The following KIAA1217 variants were observed in gnomAD, a reference collection of about 807,000 sequenced individuals.
KIAA1217 encodes sickle tail protein homolog.
KIAA1217 carries 88 observed loss-of-function variants against 163.9 expected under a neutral mutation model. The ratio of observed to expected loss-of-function variants is 0.54; its 90% CI spans 0.45 to 0.64. KIAA1217 has a LOEUF of 0.64. Ranked by LOEUF, KIAA1217 falls within the 30% of genes least tolerant of loss-of-function variation. The pLI, the probability that KIAA1217 is intolerant of heterozygous loss-of-function variation, is 0.00. For synonymous variants in KIAA1217, 903 were observed against 923.1 expected, an observed-to-expected ratio of 0.98 and a Z score of 0.39; for missense variants, 2,372 against 2,475.0, an observed-to-expected ratio of 0.96 and a Z score of 0.88.
chr10:24,470,041 G>A (rs146697637), intron 5 of KIAA1217, among the ~76,000 whole-genome samples: 1 of 152,348 alleles, frequency 6.6e-6, no homozygotes, highest in East Asian at 1.9e-4. Context: ...TTGAGTCGAT[G>A]TGATGAATTT....
At chr10:23,974,166 C>G (rs1371037053) in intron 1 of KIAA1217, among the ~76,000 whole-genome samples, 1 of 152,154 alleles carries the variant, frequency 6.6e-6, no homozygotes, top group African/African-American at 2.4e-5. Context: ...TACTATTGGG[C>G]AGAGGAGTGA....
In KIAA1217 at chr10:24,430,396, T is replaced by A. The variant is rs965018437; in HGVS notation, c.554-2599T>A. Among the ~76,000 whole-genome samples the A allele has an allele frequency of 7.2e-5, 11 of 152,240 alleles. 1 individual carries two copies. Among genetic ancestry groups the A allele is most frequent in the Admixed American group, 2.6e-4 (4 of 15,290 alleles). On this transcript the variant is annotated intron_variant, in intron 3 of 20. Coordinates refer to ENST00000376454, the MANE Select transcript of KIAA1217 (RefSeq NM_019590.5). ...GGAAGAGAGATGGACATTTGCTACA[T>A]CAGTGGTCCCTAGCCTTTTTGGCAC...
In KIAA1217 at chr10:24,120,310, G is replaced by A. The variant is rs146410974; in HGVS notation, c.-170-99316G>A. Among the ~76,000 whole-genome samples, 315 of 152,310 alleles carry A rather than the reference G, an allele frequency of 2.1e-3. 1 individual carries two copies. Among genetic ancestry groups the A allele is most frequent in the African/African-American group, 7.1e-3 (296 of 41,568 alleles). On this transcript the variant is annotated intron_variant, in intron 2 of 18. Transcript: ENST00000376462. ...ACTTTTGAGAGCATTTGTGACAATG[G>A]TATAATCTTGGATGGCCATGAACCC...
intron 19 of KIAA1217, 128 bp downstream of exon 19, chr10:24,544,609 C>A: frequency 2.8e-6 from 3 of 1,064,072 alleles, no homozygotes; most frequent in Non-Finnish European, 2.6e-6. Context: ...TTTGTCTGTT[C>A]GCCATGAAAC....
chr10:24,149,653 A>G (rs1308752887), intron 2 of KIAA1217, among the ~76,000 whole-genome samples: 2 of 152,200 alleles, frequency 1.3e-5, no homozygotes, highest in African/African-American at 4.8e-5. Flanking sequence ...GGAGTACACA[A>G]ATACACTTAG....
At chr10:24,170,997 A>T (rs939028824) in intron 2 of KIAA1217, among the ~76,000 whole-genome samples, 2 of 152,096 alleles carry the variant, frequency 1.3e-5, no homozygotes, top group African/African-American at 2.4e-5. Context: ...TTTTCTAAAC[A>T]CTCTATTTTC....
intron 6 of KIAA1217, among the ~76,000 whole-genome samples, chr10:24,490,788 G>A (rs1030669707): frequency 2.6e-5 from 4 of 152,194 alleles, no homozygotes; most frequent in Non-Finnish European, 5.9e-5. Context: ...CAGGGGGGAT[G>A]TCAGATGAGA....
intron 2 of KIAA1217, among the ~76,000 whole-genome samples, chr10:24,195,157 G>A (rs2130490986): frequency 6.6e-6 from 1 of 152,208 alleles, no homozygotes; most frequent in East Asian, 1.9e-4. Context: ...TTCTCCTCTT[G>A]CTCCTTCAGG....
At chr10:24,536,744 C>G in intron 16 of KIAA1217, 30 bp from the exon 17 acceptor site, 1 of 1,609,226 alleles carries the variant, frequency 6.2e-7, no homozygotes, top group Non-Finnish European at 8.5e-7. Context: ...CCCTTGGATC[C>G]CTGTTAACCT....
At chr10:23,928,990 T>C (rs2131307283) in intron 1 of KIAA1217, among the ~76,000 whole-genome samples, 1 of 152,262 alleles carries the variant, frequency 6.6e-6, no homozygotes, top group Admixed American at 6.5e-5. Context: ...GGGCAGAGGT[T>C]CCAGCGTACA....
intron 8 of KIAA1217, among the ~76,000 whole-genome samples, chr10:24,500,984 G>A (rs148527176): frequency 1.2e-3 from 185 of 151,780 alleles, no homozygotes; most frequent in African/African-American, 4.1e-3. Context: ...TGGAGATACC[G>A]TTAACACTTT....
intron 2 of KIAA1217, among the ~76,000 whole-genome samples, chr10:24,049,767 T>G (rs1459367754): frequency 6.6e-6 from 1 of 152,234 alleles, no homozygotes; most frequent in Non-Finnish European, 1.5e-5. Context: ...GCAGTAAACA[T>G]ACGTGTGCAT....
intron 1 of KIAA1217, among the ~76,000 whole-genome samples, chr10:24,211,560 G>A (rs58592567): frequency 9.0e-6 from 1 of 111,602 alleles, no homozygotes; most frequent in Non-Finnish European, 2.0e-5. Flanking sequence ...GTATTGTATT[G>A]TATTGTATTG....
chr10:23,772,111 A>G (rs998082783), intron 1 of KIAA1217, among the ~76,000 whole-genome samples: 16 of 152,226 alleles, frequency 1.1e-4, no homozygotes, highest in African/African-American at 2.9e-4. Flanking sequence ...AATTTAAGAA[A>G]AGTAAAATAT....
chr10:24,532,939 C>T (rs1162648540), intron 15 of KIAA1217, 131 bp from the exon 16 acceptor site: 1 of 721,008 alleles, frequency 1.4e-6, no homozygotes, highest in African/African-American at 1.8e-5. Flanking sequence ...ATAAAATAGC[C>T]TTTCAGCTAT....
At chr10:24,059,257 T>G (rs989069572) in intron 2 of KIAA1217, among the ~76,000 whole-genome samples, 1 of 152,148 alleles carries the variant, frequency 6.6e-6, no homozygotes, top group Non-Finnish European at 1.5e-5. Flanking sequence ...ATCCTTTTAG[T>G]GTGGTGTTGA....
At chr10:24,542,664 G>A in intron 17 of KIAA1217, 29 bp from the exon 18 acceptor site, 1 of 1,604,562 alleles carries the variant, frequency 6.2e-7, no homozygotes, top group Non-Finnish European at 8.5e-7. Flanking sequence ...TGGTTTTGTG[G>A]AGTAACATGT....
At chr10:24,294,559 A>G (rs2079490314) in intron 2 of KIAA1217, among the ~76,000 whole-genome samples, 1 of 152,200 alleles carries the variant, frequency 6.6e-6, no homozygotes, top group Non-Finnish European at 1.5e-5. Context: ...GAAATAGACC[A>G]CCGTGTATGC....
chr10:23,948,431 C>T lies in KIAA1217; in HGVS notation c.-320-58794C>T, dbSNP rs144403291. On this transcript the variant is annotated intron_variant, in intron 1 of 18. Transcript: ENST00000376462. ...GGTCATGTTCAATGCCTCACCCACACCTAAAATATTGCCAGTAACTGCCAC... is the reference window on the plus strand; with the variant it reads ...GGTCATGTTCAATGCCTCACCCACATCTAAAATATTGCCAGTAACTGCCAC... 1.4e-4 allele frequency among the ~76,000 whole-genome samples: 22 copies of T among 152,274 alleles called. No individual in the cohort carries two copies. The East Asian group carries it at 4.0e-3, about 28-fold the overall frequency.
Sources: allele counts gnomAD v4.1 joint callset (sites outside exome capture counted in the v4.1 genomes callset), GRCh38; gene constraint gnomAD v4.1.1; transcripts MANE v1.5; gene names NCBI Gene and HGNC (gene_info 2026-07-23, HGNC 2026-07-21).